Variants in GRAMD1B observed in about 807,000 individuals in gnomAD.
GRAMD1B encodes protein Aster-B.
GRAMD1B carries 37 observed loss-of-function variants against 99.7 expected under a neutral mutation model. The observed-to-expected ratio is 0.37, with a 90% CI of 0.29 to 0.49. The LOEUF (loss-of-function observed/expected upper bound fraction) is 0.49. GRAMD1B is among the 20% of genes least tolerant of loss of function. GRAMD1B has a pLI of 0.98. For missense variants in GRAMD1B, 888 were observed against 1,009.2 expected (o/e 0.88, Z 1.63); for synonymous variants, 427 against 387.6 (o/e 1.10, Z -1.19).
chr11:123,415,009 G>A lies in GRAMD1B; in HGVS notation c.-176+56210G>A, dbSNP rs544118140. Among the ~76,000 whole-genome samples the A allele has an allele frequency of 8.6e-5, 13 of 151,486 alleles. No individual in the cohort carries two copies. The South Asian group carries it at 1.5e-3, about 17-fold the overall frequency. ...AACACATTCAGAATGGCCTACTGGC[G>A]TCTTGGAGAAGCAGGTTTGTATGAA... On this transcript the variant is annotated intron_variant, in intron 1 of 20. Coordinates refer to the GRAMD1B transcript ENST00000638157.
chr11:123,546,586 T>C (rs1170115946), intron 2 of GRAMD1B, among the ~76,000 whole-genome samples: 2 of 152,150 alleles, frequency 1.3e-5, no homozygotes, highest in Non-Finnish European at 1.5e-5. Context: ...CTGCCCCTGT[T>C]CCCCAGTGAG....
At chr11:123,481,196 G>A (rs1254943149) in intron 2 of GRAMD1B, among the ~76,000 whole-genome samples, 2 of 152,086 alleles carry the variant, frequency 1.3e-5, no homozygotes, top group Non-Finnish European at 1.5e-5. Flanking sequence ...GGCTCACACC[G>A]GCAATCTCAT....
At chr11:123,533,571 C>T (rs1003980323) in intron 2 of GRAMD1B, among the ~76,000 whole-genome samples, 9 of 152,130 alleles carry the variant, frequency 5.9e-5, no homozygotes, top group East Asian at 1.9e-4. Context: ...GGATTACAGG[C>T]GCCAGCTACC....
chr11:123,468,809 A>AG, intron 1 of GRAMD1B, among the ~76,000 whole-genome samples: 1 of 151,332 alleles, frequency 6.6e-6, no homozygotes, highest in East Asian at 1.9e-4. Context: ...AAAAAAAAAA[A>AG]AAAAAAGTAG....
chr11:123,449,808 C>T (rs1436332145), intron 1 of GRAMD1B, among the ~76,000 whole-genome samples: 1 of 150,630 alleles, frequency 6.6e-6, no homozygotes, highest in East Asian at 2.0e-4. Flanking sequence ...GAAGCCTCAA[C>T]TTCCCAAGCT....
chr11:123,481,773 T>A (rs2134850844), intron 2 of GRAMD1B, among the ~76,000 whole-genome samples: 1 of 152,290 alleles, frequency 6.6e-6, no homozygotes, highest in Admixed American at 6.5e-5. Context: ...TAGACAGAGG[T>A]AAATTTGCTG....
intron 2 of GRAMD1B, among the ~76,000 whole-genome samples, chr11:123,494,400 G>A (rs115329668): frequency 0.014 from 2,165 of 151,008 alleles, 37 homozygotes; most frequent in African/African-American, 0.049. Flanking sequence ...ATGGTCTTGT[G>A]GAAGACAGCA....
chr11:123,594,868 G>A, intron 6 of GRAMD1B, 30 bp downstream of exon 6: 1 of 1,171,806 alleles, frequency 8.5e-7, no homozygotes, highest in Non-Finnish European at 1.3e-6. Context: ...CCCTTGGGCT[G>A]TCTCCTTGGC....
At chr11:123,445,282 A>T (rs1419325391) in intron 1 of GRAMD1B, among the ~76,000 whole-genome samples, 1 of 152,186 alleles carries the variant, frequency 6.6e-6, no homozygotes, top group Non-Finnish European at 1.5e-5. Flanking sequence ...GACCCCTCAG[A>T]GCAATCTGCC....
intron 1 of GRAMD1B, among the ~76,000 whole-genome samples, chr11:123,434,385 T>C (rs1164909114): frequency 6.6e-6 from 1 of 152,194 alleles, no homozygotes; most frequent in Non-Finnish European, 1.5e-5. Flanking sequence ...ATTTGGATTG[T>C]GTGTAAAACA....
intron 1 of GRAMD1B, among the ~76,000 whole-genome samples, chr11:123,418,778 A>T (rs144181950): frequency 4.7e-4 from 72 of 152,326 alleles, no homozygotes; most frequent in African/African-American, 1.5e-3. Context: ...AGGCTGGGAA[A>T]TAATTGCACT....
intron 1 of GRAMD1B, among the ~76,000 whole-genome samples, chr11:123,467,725 G>A (rs1211023856): frequency 1.3e-5 from 2 of 152,176 alleles, no homozygotes; most frequent in African/African-American, 4.8e-5. Flanking sequence ...CATATCAGGA[G>A]TGGTGGGTTC....
intron 2 of GRAMD1B, among the ~76,000 whole-genome samples, chr11:123,575,134 A>C (rs527913483): frequency 6.6e-6 from 1 of 152,110 alleles, no homozygotes; most frequent in Non-Finnish European, 1.5e-5. Flanking sequence ...TGATCATTTC[A>C]TGTGAGATTC....
At chr11:123,571,739 C>T (rs566932399) in intron 2 of GRAMD1B, among the ~76,000 whole-genome samples, 1 of 152,256 alleles carries the variant, frequency 6.6e-6, no homozygotes, top group Non-Finnish European at 1.5e-5. Flanking sequence ...TACCTGGTGA[C>T]TCATGGTTTC....
intron 2 of GRAMD1B, among the ~76,000 whole-genome samples, chr11:123,514,662 A>C (rs1941498859): frequency 6.6e-6 from 1 of 152,228 alleles, no homozygotes; most frequent in Non-Finnish European, 1.5e-5. Context: ...AAACAGAAGC[A>C]GGGAGCTGAA....
At chr11:123,403,313 G>T (rs1947732981) in intron 1 of GRAMD1B, among the ~76,000 whole-genome samples, 1 of 151,698 alleles carries the variant, frequency 6.6e-6, no homozygotes, top group Non-Finnish European at 1.5e-5. Context: ...TGTAGTCCCA[G>T]CTACTCAGGA....
intron 2 of GRAMD1B, among the ~76,000 whole-genome samples, chr11:123,570,097 G>T (rs1276317181): frequency 6.6e-6 from 1 of 152,236 alleles, no homozygotes; most frequent in African/African-American, 2.4e-5. Flanking sequence ...ACTTTTGGCA[G>T]ATATGTCACT....
At chr11:123,398,509 A>C (rs530757627) in intron 1 of GRAMD1B, among the ~76,000 whole-genome samples, 35 of 152,332 alleles carry the variant, frequency 2.3e-4, no homozygotes, top group African/African-American at 7.9e-4. Context: ...ACACATTCAA[A>C]CCATAGCATA....
rs920866392 is a variant in GRAMD1B at position 123,614,687 on chromosome 11, C to A, written c.2228-58C>A. The stretch of plus-strand genomic sequence containing the variant: ...TTTGCTGTTTGACCAGTGTCCCCAC[C>A]AGCAGTTGTTGGACTTGTGGGTCAC... On this transcript the variant is annotated intron_variant, in intron 16 of 19. Coordinates refer to ENST00000635736, the MANE Select transcript of GRAMD1B (RefSeq NM_001387025.1). 79 of 983,394 alleles carry A rather than the reference C, an allele frequency of 8.0e-5. No individual in the cohort carries two copies. In the East Asian group the frequency reaches 1.9e-3, roughly 24 times the overall value. The allele number at this position is 983,394 out of a possible 1,614,324, so 60.9% of individuals were successfully genotyped here.
Sources: gnomAD v4.1 joint callset for allele counts (sites outside exome capture counted in the v4.1 genomes callset) on GRCh38, gnomAD v4.1.1 for gene constraint, MANE v1.5 for transcripts, NCBI Gene and HGNC (gene_info 2026-07-23, HGNC 2026-07-21) for gene names.